The following ZSCAN5A variants were observed in gnomAD, a reference collection of about 807,000 sequenced individuals.
ZSCAN5A encodes the protein zinc finger and SCAN domain containing 5A, also known as zinc finger and SCAN domain-containing protein 5A.
ZSCAN5A carries 12 observed loss-of-function variants against 23.7 expected under a neutral mutation model. The observed-to-expected ratio is 0.51, with a 90% confidence interval of 0.32 to 0.82. The LOEUF (loss-of-function observed/expected upper bound fraction) is 0.82, where lower values mean the gene tolerates loss of function less well. ZSCAN5A is among the 40% of genes least tolerant of loss of function. The pLI is 0.03. For missense variants in ZSCAN5A, 597 were observed against 617.9 expected, an observed-to-expected ratio of 0.97 and a Z score of 0.36; for synonymous variants, 257 against 239.9, an observed-to-expected ratio of 1.07 and a Z score of -0.66.
At chr19:56,247,333 G>A (rs2035995726) in intron 2 of ZSCAN5A, 1 of 244,080 alleles carries the variant, frequency 4.1e-6, no homozygotes. Context: ...CTGCAACCAA[G>A]TTTTCACCTA....
chr19:56,236,906 G>T (rs1036014881), intron 2 of ZSCAN5A, among the ~76,000 whole-genome samples: 3 of 148,380 alleles, frequency 2.0e-5, no homozygotes, highest in African/African-American at 7.5e-5. Context: ...CTCCACTCCA[G>T]CCTCTGATGG....
chr19:56,348,228 C>CAG (rs2041646944), intron 2 of ZSCAN5A: 1 of 152,186 alleles, frequency 6.6e-6, no homozygotes, highest in Non-Finnish European at 1.5e-5. Context: ...AACACTAGAG[C>CAG]TAGTCTCTCT....
At chr19:56,259,365 C>T (rs1189866580) in intron 2 of ZSCAN5A, among the ~76,000 whole-genome samples, 1 of 152,094 alleles carries the variant, frequency 6.6e-6, no homozygotes, top group Non-Finnish European at 1.5e-5. Flanking sequence ...CGCCTGGCTG[C>T]ACCCTGTAAT....
intron 1 of ZSCAN5A, chr19:56,363,541 T>G (rs1226217876): frequency 6.6e-6 from 1 of 152,242 alleles, no homozygotes; most frequent in African/African-American, 2.4e-5. Context: ...TTGGAATTTC[T>G]TAGAGACTGT....
intron 1 of ZSCAN5A, among the ~76,000 whole-genome samples, chr19:56,364,512 A>C (rs530078546): frequency 6.6e-6 from 1 of 152,344 alleles, no homozygotes; most frequent in East Asian, 1.9e-4. Context: ...GGTAGTGAAC[A>C]TGTTATATGG....
At chr19:56,330,281 G>A (rs984865499) in intron 2 of ZSCAN5A, among the ~76,000 whole-genome samples, 7 of 152,148 alleles carry the variant, frequency 4.6e-5, no homozygotes, top group Non-Finnish European at 1.0e-4. Context: ...TGTGAATAGC[G>A]CTGCAATGAA....
chr19:56,289,393 G>A (rs1267168240), intron 2 of ZSCAN5A, among the ~76,000 whole-genome samples: 1 of 152,160 alleles, frequency 6.6e-6, no homozygotes, highest in East Asian at 1.9e-4. Context: ...CTTTACAGAG[G>A]GGAGGGGAAA....
At chr19:56,315,791 A>C (rs1372959369), upstream of ZSCAN5A, 2 of 152,188 alleles carry the variant, frequency 1.3e-5, no homozygotes, top group African/African-American at 4.8e-5. Flanking sequence ...TAAAGTGAGG[A>C]TGATGTTAGA....
intron 2 of ZSCAN5A, among the ~76,000 whole-genome samples, chr19:56,239,544 G>A (rs2035247307): frequency 6.6e-6 from 1 of 152,270 alleles, no homozygotes; most frequent in South Asian, 2.1e-4. Context: ...TGCAGAGTGG[G>A]GACCATGTGC....
chr19:56,272,982 T>C, intron 2 of ZSCAN5A: 1 of 720,596 alleles, frequency 1.4e-6, no homozygotes, highest in South Asian at 6.3e-5. Flanking sequence ...GAGGCTCTTG[T>C]GGGCTGGATT....
At chr19:56,322,290 T>C in intron 2 of ZSCAN5A, 2 of 1,112,590 alleles carry the variant, frequency 1.8e-6, no homozygotes, top group South Asian at 1.2e-5. Flanking sequence ...ATTGTCCCTT[T>C]CACTGCCTTT....
intron 2 of ZSCAN5A, among the ~76,000 whole-genome samples, chr19:56,290,399 C>G (rs1317365409): frequency 6.6e-6 from 1 of 152,232 alleles, no homozygotes; most frequent in Non-Finnish European, 1.5e-5. Context: ...AAAGCCTACA[C>G]TATTTACTGT....
At position 56,224,869 on chromosome 19, in the gene ZSCAN5A, G is replaced by C; in HGVS notation, c.178C>G (p.Gln60Glu). ...FSCPKESDPI[Q>E]ALRKLTELCH... Reference sequence around the variant, plus strand: ...AGCTCAGTGAGTTTCCTCAGAGCCTGGATGGGGTCCGACTCCTTCGGGCAG... The same window carrying C: ...AGCTCAGTGAGTTTCCTCAGAGCCTCGATGGGGTCCGACTCCTTCGGGCAG... Residue 60 changes from glutamine (Q) to glutamate (E), a missense_variant, in exon 3 of 6, where the codon CAG becomes GAG. Gln to Glu is a conservative substitution (Grantham distance 29, BLOSUM62 2). Transcript: ENST00000683990. The C allele has an allele frequency of 6.2e-7, 1 of 1,614,206 alleles. No individual in the cohort carries two copies. The highest frequency in any genetic ancestry group is 8.5e-7 in the Non-Finnish European group (1 of 1,180,036).
chr19:56,274,496 C>A (rs1229619575), intron 2 of ZSCAN5A: 1 of 151,424 alleles, frequency 6.6e-6, no homozygotes, highest in African/African-American at 2.4e-5. Flanking sequence ...TAGAGGAACA[C>A]GTTTTTTAAA....
At chr19:56,251,087 T>C (rs767924889) in intron 2 of ZSCAN5A, among the ~76,000 whole-genome samples, 3 of 150,456 alleles carry the variant, frequency 2.0e-5, no homozygotes, top group African/African-American at 4.9e-5. Context: ...GTGGCAGAGA[T>C]TGCAGTGAGC....
chr19:56,256,060 C>T (rs571498174), intron 2 of ZSCAN5A, among the ~76,000 whole-genome samples: 1 of 152,146 alleles, frequency 6.6e-6, no homozygotes, highest in African/African-American at 2.4e-5. Flanking sequence ...AATGCACACA[C>T]ACTAAAAAAC....
intron 2 of ZSCAN5A, among the ~76,000 whole-genome samples, chr19:56,273,895 T>A (rs765354997): frequency 1.3e-5 from 2 of 152,158 alleles, no homozygotes; most frequent in Non-Finnish European, 2.9e-5. Flanking sequence ...TTCTGTGTGT[T>A]TAAACAATGT....
At chr19:56,302,628 T>C (rs1160973218) in intron 2 of ZSCAN5A, among the ~76,000 whole-genome samples, 3 of 112,850 alleles carry the variant, frequency 2.7e-5, no homozygotes, top group African/African-American at 1.1e-4. Context: ...CCTCCCTCCC[T>C]CCTCCTCCCT....
intron 2 of ZSCAN5A, among the ~76,000 whole-genome samples, chr19:56,228,620 C>T (rs1223709977): frequency 6.6e-6 from 1 of 151,964 alleles, no homozygotes; most frequent in African/African-American, 2.4e-5. Context: ...AAGTAAAGAA[C>T]ATGTTAAGAG....
Sources: allele counts gnomAD v4.1 joint callset (sites outside exome capture counted in the v4.1 genomes callset), GRCh38; gene constraint gnomAD v4.1.1; transcripts MANE v1.5; gene names NCBI Gene and HGNC (gene_info 2026-07-23, HGNC 2026-07-21).